The following PCDHB2 variants were observed in gnomAD, a reference collection of about 807,000 sequenced individuals.
The protein encoded by PCDHB2 is protocadherin beta-2.
For missense variants in PCDHB2, 914 were observed against 1,023.1 expected (o/e 0.89, Z 1.45); for synonymous variants, 395 against 464.9 (o/e 0.85, Z 1.93).
Position 141,095,119 on chromosome 5 carries a change from T to A in PCDHB2, c.329T>A (p.Val110Glu). 6.2e-7 allele frequency: 1 copy of A among 1,613,938 alleles called. No homozygotes were observed. Among genetic ancestry groups the A allele is most frequent in the African/African-American group, 1.3e-5 (1 of 75,010 alleles). Residue 110 changes from valine (V) to glutamate (E), a missense_variant, in exon 1 of 1, where the codon GTG becomes GAG. Val to Glu is a moderately radical substitution (Grantham distance 121). Transcript: ENST00000194155. ...GAGCCCTGTGTCCTACCTTTCCAGG[T>A]GTTACTAGAAAATCCCTTGCAGTTT... is the stretch of plus-strand genomic sequence containing the variant. Reference protein sequence around the residue: ...PTEPCVLPFQVLLENPLQFFQ... With the variant: ...PTEPCVLPFQELLENPLQFFQ...
In PCDHB2 at chr5:141,095,273, C is replaced by T. The variant is rs782019693; in HGVS notation, c.483C>T (p.Asp161=). ...CTTTCTTAATAGAACGTGCCCAGGA[C>T]TTGGATGTAGGAACCAACAGTCTCC... ...GTTFLIERAQ[D]LDVGTNSLQN... Residue 161 remains aspartate, a synonymous_variant, in exon 1 of 1, where the codon GAC becomes GAT. Coordinates refer to ENST00000194155, the MANE Select transcript of PCDHB2 (RefSeq NM_018936.4). 5.0e-6 allele frequency: 8 copies of T among 1,614,114 alleles called. No individual in the cohort carries two copies. In the South Asian group the frequency reaches 7.7e-5, roughly 16 times the overall value.
In PCDHB2 at chr5:141,095,061, A is replaced by G; in HGVS notation, c.271A>G (p.Lys91Glu). Residue 91 changes from lysine (K) to glutamate (E), a missense_variant, in exon 1 of 1, where the codon AAA (lysine) becomes GAA (glutamate). By Grantham distance (56) the Lys-to-Glu change is moderately conservative (BLOSUM62 1). Coordinates refer to ENST00000194155, the MANE Select transcript of PCDHB2 (RefSeq NM_018936.4). ...RQTGDLLLNEKLDREELCGPT... is the reference protein window; with the variant it reads ...RQTGDLLLNEELDREELCGPT... ...GACCGGGGATTTGTTGTTAAATGAG[A>G]AATTGGACCGGGAGGAGCTGTGCGG... is the stretch of plus-strand genomic sequence containing the variant. 6.2e-7 allele frequency: 1 copy of G among 1,614,110 alleles called. No homozygotes were observed. The highest frequency in any genetic ancestry group is 8.5e-7 in the Non-Finnish European group (1 of 1,180,008).
rs1313600380 is a variant in PCDHB2 at position 141,094,889 on chromosome 5, G to A, written c.99G>A (p.Arg33=). Residue 33 remains arginine, a synonymous_variant, in exon 1 of 1, where the codon AGG becomes AGA. Coordinates refer to ENST00000194155, the MANE Select transcript of PCDHB2 (RefSeq NM_018936.4). The stretch of plus-strand genomic sequence containing the variant: ...TAGCTCAGGCTAGTTGCCAGCCTAG[G>A]CACTATTCAGTGGCCGAGGAAACGG... ...LGIAQASCQP[R]HYSVAEETES... 6 of 1,614,020 alleles carry A rather than the reference G, an allele frequency of 3.7e-6. No individual in the cohort carries two copies. The highest frequency in any genetic ancestry group is 5.1e-6 in the Non-Finnish European group (6 of 1,180,022).
At position 141,096,827 on chromosome 5, in the gene PCDHB2, A is replaced by C. The variant is rs782157194; in HGVS notation, c.2037A>C (p.Ala679=). Residue 679 remains alanine (A), a synonymous_variant, in exon 1 of 1, where the codon GCA becomes GCC. Transcript: ENST00000194155. The stretch of plus-strand genomic sequence containing the variant: ...CCTACCTGCTGCTCCCGGAGGCGGC[A>C]CCGGCCCAGGCCCAGGCCGACTTGC... ...SQPYLLLPEA[A]PAQAQADLLT... is the part of the protein sequence containing the mutation. 9.6e-5 allele frequency: 155 copies of C among 1,610,118 alleles called. No homozygotes were observed. Among genetic ancestry groups the C allele is most frequent in the Non-Finnish European group, 1.2e-4 (136 of 1,179,716 alleles).
rs782246029 is a variant in PCDHB2 at position 141,095,709 on chromosome 5, CA to C, written c.920del (p.Gln307ArgfsTer13). 2 of 1,614,112 alleles carry C rather than the reference CA, an allele frequency of 1.2e-6. No individual in the cohort carries two copies. The highest frequency in any genetic ancestry group is 2.2e-5 in the South Asian group (2 of 91,078). On this transcript the variant is annotated frameshift_variant, in exon 1 of 1. Transcript: ENST00000194155. LOFTEE classifies it low-confidence loss of function (END_TRUNC). ...AAAATCGGGAGAACTGCTTTTAAGACAGAAACTGGATTTCGAATCCATCCAG... is the reference window on the plus strand; with the variant it reads ...AAAATCGGGAGAACTGCTTTTAAGACGAAACTGGATTTCGAATCCATCCAG... The part of the protein sequence containing the change: ...SAKSGELLLR[Q>X]KLDFESIQTY...
At position 141,096,642 on chromosome 5, in the gene PCDHB2, G is replaced by C; in HGVS notation, c.1852G>C (p.Gly618Arg). 4 of 1,608,802 alleles carry C rather than the reference G, an allele frequency of 2.5e-6. No individual in the cohort carries two copies. Among genetic ancestry groups the C allele is most frequent in the Non-Finnish European group, 3.4e-6 (4 of 1,179,574 alleles). Residue 618 changes from glycine (G) to arginine (R), a missense_variant, in exon 1 of 1, where the codon GGC becomes CGC. Transcript: ENST00000194155. Reference protein sequence around the residue: ...LLKATEPGLFGVWAHNGEVRT... With the variant: ...LLKATEPGLFRVWAHNGEVRT... ...CAAGGCCACGGAGCCCGGGCTGTTC[G>C]GCGTGTGGGCGCACAATGGCGAGGT... is the stretch of plus-strand genomic sequence containing the variant.
Position 141,096,857 on chromosome 5 carries a change from C to G in PCDHB2, c.2067C>G (p.Thr689=), listed in dbSNP as rs782437658. 8.7e-6 allele frequency: 14 copies of G among 1,611,384 alleles called. No individual in the cohort carries two copies. Among genetic ancestry groups the G allele is most frequent in the South Asian group, 4.4e-5 (4 of 91,002 alleles). Residue 689 remains threonine (T), a synonymous_variant, in exon 1 of 1, where the codon ACC becomes ACG. Transcript: ENST00000194155. The stretch of plus-strand genomic sequence containing the variant: ...CCCAGGCCCAGGCCGACTTGCTCAC[C>G]GTCTACCTGGTGGTGGCGTTGGCCT... ...APAQAQADLL[T]VYLVVALASV...
chr5:141,096,773 C>A lies in PCDHB2; in HGVS notation c.1983C>A (p.His661Gln), dbSNP rs371660491. ...CGCGCTCGGCCACCGCCACGCTGCACGTGCTCCTGGTGGACGGCTTCTCCC... is the reference window on the plus strand; with the variant it reads ...CGCGCTCGGCCACCGCCACGCTGCAAGTGCTCCTGGTGGACGGCTTCTCCC... ...EPPRSATATL[H>Q]VLLVDGFSQP... is the part of the protein sequence containing the mutation. Residue 661 changes from histidine (H) to glutamine (Q), a missense_variant, in exon 1 of 1, where the codon CAC (histidine) becomes CAA (glutamine). His to Gln is a conservative substitution (Grantham distance 24). Coordinates refer to ENST00000194155, the MANE Select transcript of PCDHB2 (RefSeq NM_018936.4). 5.0e-6 allele frequency: 8 copies of A among 1,609,830 alleles called. No individual in the cohort carries two copies. In the South Asian group the frequency reaches 5.5e-5, roughly 11 times the overall value.
In PCDHB2 at chr5:141,096,635, G is replaced by T. The variant is rs782443042; in HGVS notation, c.1845G>T (p.Gly615=). 12 of 1,608,210 alleles carry T rather than the reference G, an allele frequency of 7.5e-6. No homozygotes were observed. Among genetic ancestry groups the T allele is most frequent in the Middle Eastern group, 2.2e-4 (1 of 4,454 alleles). ...SYQLLKATEP[G]LFGVWAHNGE... ...AGCTGCTCAAGGCCACGGAGCCCGGGCTGTTCGGCGTGTGGGCGCACAATG... is the reference window on the plus strand; with the variant it reads ...AGCTGCTCAAGGCCACGGAGCCCGGTCTGTTCGGCGTGTGGGCGCACAATG... The change falls in exon 1 of 1, where the codon GGG becomes GGT. Residue 615 remains glycine (G), a synonymous_variant. Transcript: ENST00000194155.
Position 141,097,024 on chromosome 5 carries a change from G to A in PCDHB2, c.2234G>A (p.Gly745Glu). ...CAGATGGTGGACGTGAGCGGCACCGGGACCCTGTCCCAGAGCTACCAGTAC... is the reference window on the plus strand; with the variant it reads ...CAGATGGTGGACGTGAGCGGCACCGAGACCCTGTCCCAGAGCTACCAGTAC... ...PGQMVDVSGT[G>E]TLSQSYQYEV... The change falls in exon 1 of 1, where the codon GGG (glycine) becomes GAG (glutamate). Residue 745 changes from glycine (G) to glutamate (E), a missense_variant. By Grantham distance (98) the Gly-to-Glu change is moderately conservative. Transcript: ENST00000194155. 2 of 1,613,946 alleles carry A rather than the reference G, an allele frequency of 1.2e-6. No homozygotes were observed. Among genetic ancestry groups the A allele is most frequent in the African/African-American group, 1.3e-5 (1 of 75,050 alleles).
At position 141,095,105 on chromosome 5, in the gene PCDHB2, C is replaced by T; in HGVS notation, c.315C>T (p.Val105=). The change falls in exon 1 of 1, where the codon GTC becomes GTT. Residue 105 remains valine (V), a synonymous_variant. Transcript: ENST00000194155. ...TGTGCGGCCCCACAGAGCCCTGTGT[C>T]CTACCTTTCCAGGTGTTACTAGAAA... The part of the protein sequence containing the change: ...EELCGPTEPC[V]LPFQVLLENP... 3.1e-6 allele frequency: 5 copies of T among 1,614,142 alleles called. No individual in the cohort carries two copies. The highest frequency in any genetic ancestry group is 3.4e-6 in the Non-Finnish European group (4 of 1,180,004).
rs573993577 is a variant in PCDHB2 at position 141,095,697 on chromosome 5, C to A, written c.907C>A (p.Leu303Met). Reference protein sequence around the residue: ...TFRLSAKSGELLLRQKLDFES... With the variant: ...TFRLSAKSGEMLLRQKLDFES... ...TCGATTAAGTGCAAAATCGGGAGAA[C>A]TGCTTTTAAGACAGAAACTGGATTT... The change falls in exon 1 of 1, where the codon CTG becomes ATG. Residue 303 changes from leucine to methionine, a missense_variant. Transcript: ENST00000194155. 8.1e-6 allele frequency: 13 copies of A among 1,614,202 alleles called. No homozygotes were observed. The African/African-American group carries it at 1.7e-4, about 22-fold the overall frequency.
chr5:141,095,117 G>A lies in PCDHB2; in HGVS notation c.327G>A (p.Gln109=). Residue 109 remains glutamine (Q), a synonymous_variant, in exon 1 of 1, where the codon CAG becomes CAA. Coordinates refer to ENST00000194155, the MANE Select transcript of PCDHB2 (RefSeq NM_018936.4). ...CAGAGCCCTGTGTCCTACCTTTCCA[G>A]GTGTTACTAGAAAATCCCTTGCAGT... ...GPTEPCVLPF[Q]VLLENPLQFF... 1 of 1,614,018 alleles carries A rather than the reference G, an allele frequency of 6.2e-7. No homozygotes were observed. Among genetic ancestry groups the A allele is most frequent in the South Asian group, 1.1e-5 (1 of 91,064 alleles).
chr5:141,096,685 T>C lies in PCDHB2; in HGVS notation c.1895T>C (p.Leu632Pro). ...GGCGAGGTGCGCACCGCCAGGCTGC[T>C]GAGGGAGCGCGACGCTGCCAAGCAG... ...HNGEVRTARLLRERDAAKQRL... is the reference protein window; with the variant it reads ...HNGEVRTARLPRERDAAKQRL... The change falls in exon 1 of 1, where the codon CTG (leucine) becomes CCG (proline). Residue 632 changes from leucine to proline, a missense_variant. Physicochemically the swap from Leu to Pro is moderately conservative, Grantham distance 98 (BLOSUM62 -3). Coordinates refer to ENST00000194155, the MANE Select transcript of PCDHB2 (RefSeq NM_018936.4). 6.2e-7 allele frequency: 1 copy of C among 1,610,556 alleles called. No homozygotes were observed. The highest frequency in any genetic ancestry group is 8.5e-7 in the Non-Finnish European group (1 of 1,179,652).
rs782321683 is a variant in PCDHB2, at chr5:141,095,333, T to C, written c.543T>C (p.His181=). The change falls in exon 1 of 1, where the codon CAT becomes CAC. Residue 181 remains histidine, a synonymous_variant. Coordinates refer to ENST00000194155, the MANE Select transcript of PCDHB2 (RefSeq NM_018936.4). Reference sequence around the variant, plus strand: ...CAATCAGTCCCAATTTCCACTTTCATCTTAATTTACAAGACAGTCTCGATG... The same window carrying C: ...CAATCAGTCCCAATTTCCACTTTCACCTTAATTTACAAGACAGTCTCGATG... ...NYTISPNFHF[H]LNLQDSLDGI... 1.2e-6 allele frequency: 2 copies of C among 1,613,840 alleles called. No homozygotes were observed. The highest frequency in any genetic ancestry group is 2.2e-5 in the South Asian group (2 of 91,036).
Position 141,097,236 on chromosome 5 carries a change from T to C in PCDHB2, c.*49T>C. 1 of 1,535,278 alleles carries C rather than the reference T, an allele frequency of 6.5e-7. No individual in the cohort carries two copies. The highest frequency in any genetic ancestry group is 8.8e-7 in the Non-Finnish European group (1 of 1,142,152). On this transcript the variant is annotated 3_prime_UTR_variant, in exon 1 of 1. Transcript: ENST00000194155. ...CTAGTCTCGTTTAATTTGTGGAAAG[T>C]CCTTTTTTACTGCTTTGCCCATTGG...
rs1241281496 is a variant in PCDHB2, at chr5:141,097,679, G to A, written c.*492G>A. ...ATAATATAGCAAGCACCGTCCTTAC[G>A]TTTTTCAATATATGTAATTTTTTTT... On this transcript the variant is annotated 3_prime_UTR_variant, in exon 1 of 1. Coordinates refer to ENST00000194155, the MANE Select transcript of PCDHB2 (RefSeq NM_018936.4). The A allele has an allele frequency of 6.7e-6, 1 of 150,174 alleles. No individual in the cohort carries two copies. Among genetic ancestry groups the A allele is most frequent in the African/African-American group, 2.5e-5 (1 of 40,658 alleles). 9.3% of individuals were successfully genotyped at this position (150,174 alleles called of 1,614,324 possible).
rs1554271426 is a variant in PCDHB2, at chr5:141,096,198, C to G, written c.1408C>G (p.Leu470Val). 5.6e-6 allele frequency: 9 copies of G among 1,613,132 alleles called. No homozygotes were observed. The highest frequency in any genetic ancestry group is 7.6e-6 in the Non-Finnish European group (9 of 1,180,042). Residue 470 changes from leucine to valine, a missense_variant, in exon 1 of 1, where the codon CTG (leucine) becomes GTG (valine). Physicochemically the swap from Leu to Val is conservative, Grantham distance 32. Coordinates refer to ENST00000194155, the MANE Select transcript of PCDHB2 (RefSeq NM_018936.4). ...LFVRENNSPALHIGSVSATDR... is the reference protein window; with the variant it reads ...LFVRENNSPAVHIGSVSATDR... ...CGTCCGCGAGAACAACAGCCCCGCC[C>G]TGCACATCGGCAGCGTCAGCGCCAC...
chr5:141,098,366 A>T lies in PCDHB2; in HGVS notation c.*1179A>T, dbSNP rs548917138. 1 of 152,294 alleles carries T rather than the reference A, an allele frequency of 6.6e-6. No homozygotes were observed. Among genetic ancestry groups the T allele is most frequent in the East Asian group, 1.9e-4 (1 of 5,182 alleles). 9.4% of individuals were successfully genotyped at this position (152,294 alleles called of 1,614,324 possible). On this transcript the variant is annotated 3_prime_UTR_variant, in exon 1 of 1. Transcript: ENST00000194155. ...TGTCCTTTACCTTTAGAACCCTCAA[A>T]CATAGCTTGGTATTGCTGTTTTTAA...
Sources: allele counts gnomAD v4.1 joint callset, GRCh38; gene constraint gnomAD v4.1.1; transcripts MANE v1.5; gene names NCBI Gene and HGNC (gene_info 2026-07-23, HGNC 2026-07-21).